Variants in GALNT10 observed in about 807,000 individuals in gnomAD.
GALNT10 encodes polypeptide N-acetylgalactosaminyltransferase 10.
Under a neutral mutation model 75.0 loss-of-function variants are expected in GALNT10, and 41 were observed. That is an observed-to-expected ratio of 0.55 (90% CI 0.43 to 0.71). The LOEUF (loss-of-function observed/expected upper bound fraction) is 0.71, where lower values mean the gene tolerates loss of function less well. Among genes scored for constraint, GALNT10 ranks in the 30% least tolerant of loss-of-function variants. The pLI is 0.00. For missense variants in GALNT10, 727 were observed against 818.5 expected (o/e 0.89, Z 1.36); for synonymous variants, 302 against 313.0 (o/e 0.96, Z 0.37).
chr5:154,386,193 T>A, intron 6 of GALNT10, 120 bp from the exon 7 acceptor site: 1 of 709,536 alleles, frequency 1.4e-6, no homozygotes, highest in South Asian at 1.8e-5. Flanking sequence ...GGAAGACACT[T>A]GGACTGTGTT....
At chr5:154,203,652 A>G (rs995832248) in intron 1 of GALNT10, among the ~76,000 whole-genome samples, 19 of 152,210 alleles carry the variant, frequency 1.2e-4, no homozygotes, top group Non-Finnish European at 2.6e-4. Flanking sequence ...TAATTTGTAC[A>G]ACTGTGGTGG....
At chr5:154,273,169 A>G (rs1346244045) in intron 1 of GALNT10, among the ~76,000 whole-genome samples, 2 of 152,136 alleles carry the variant, frequency 1.3e-5, no homozygotes, top group Non-Finnish European at 2.9e-5. Context: ...TTCTGAGGTC[A>G]CAGATATAGA....
intron 1 of GALNT10, among the ~76,000 whole-genome samples, chr5:154,243,894 A>C (rs888392653): frequency 5.9e-5 from 9 of 152,212 alleles, no homozygotes; most frequent in African/African-American, 2.2e-4. Context: ...GTGGCTTAAT[A>C]AGGATTTACA....
intron 1 of GALNT10, among the ~76,000 whole-genome samples, chr5:154,211,832 G>A (rs573924518): frequency 1.3e-5 from 2 of 152,112 alleles, no homozygotes; most frequent in Non-Finnish European, 2.9e-5. Flanking sequence ...CTGAAGCATG[G>A]CAGCTCACTT....
intron 1 of GALNT10, among the ~76,000 whole-genome samples, chr5:154,195,180 G>T (rs762932793): frequency 1.1e-4 from 16 of 152,204 alleles, no homozygotes; most frequent in Admixed American, 4.6e-4. Flanking sequence ...ACACAGAGAT[G>T]GCATCAGGAT....
intron 1 of GALNT10, among the ~76,000 whole-genome samples, chr5:154,204,916 A>C (rs139258879): frequency 2.6e-5 from 4 of 152,302 alleles, no homozygotes; most frequent in South Asian, 4.1e-4. Context: ...TGTCTTATTT[A>C]CTGCTGTACC....
chr5:154,367,949 T>G (rs936748269), intron 4 of GALNT10, among the ~76,000 whole-genome samples: 10 of 152,154 alleles, frequency 6.6e-5, no homozygotes, highest in African/African-American at 9.7e-5. Context: ...CATGGGATTC[T>G]GGTTTTGATC....
intron 3 of GALNT10, among the ~76,000 whole-genome samples, chr5:154,305,908 C>T (rs1342498350): frequency 1.3e-5 from 2 of 152,152 alleles, no homozygotes; most frequent in African/African-American, 4.8e-5. Context: ...ATCCCAACTA[C>T]TCAGGAAGGT....
chr5:154,310,441 GT>G (rs34086082), intron 3 of GALNT10, among the ~76,000 whole-genome samples: 2,118 of 149,646 alleles, frequency 0.014, 46 homozygotes, highest in African/African-American at 0.048. Flanking sequence ...GGTTTTTTTT[GT>G]TTTTTTTTTT....
At chr5:154,364,037 G>A (rs564626586) in intron 4 of GALNT10, among the ~76,000 whole-genome samples, 20 of 152,292 alleles carry the variant, frequency 1.3e-4, no homozygotes, top group Admixed American at 1.1e-3. Flanking sequence ...CAAGCAGATC[G>A]ACACAAGTCC....
At chr5:154,340,061 ATTTGCCATT>A (rs1297049606) in intron 4 of GALNT10, among the ~76,000 whole-genome samples, 1 of 152,192 alleles carries the variant, frequency 6.6e-6, no homozygotes, top group African/African-American at 2.4e-5. Flanking sequence ...AAATTGTGGT[ATTTGCCATT>A]ACCTTTCATA....
At chr5:154,234,866 C>T (rs1753220832) in intron 1 of GALNT10, among the ~76,000 whole-genome samples, 1 of 152,172 alleles carries the variant, frequency 6.6e-6, no homozygotes, top group East Asian at 1.9e-4. Flanking sequence ...GACTGGACAA[C>T]ACTTGAGCAG....
intron 3 of GALNT10, among the ~76,000 whole-genome samples, chr5:154,301,833 G>A (rs1379188919): frequency 2.0e-5 from 3 of 152,168 alleles, no homozygotes; most frequent in Non-Finnish European, 4.4e-5. Context: ...GCATCAATAA[G>A]CTGTGGAACT....
Position 154,415,946 on chromosome 5 carries a change from CG to C in GALNT10, c.1653+20del. The C allele has an allele frequency of 6.2e-7, 1 of 1,611,688 alleles. No individual in the cohort carries two copies. Among genetic ancestry groups the C allele is most frequent in the Non-Finnish European group, 8.5e-7 (1 of 1,178,368 alleles). ...AAATACCGCAAAGTAAGATGGGATG[CG>C]GGGGGAGCAGGGCACCTGCTTAATT... On this transcript the variant is annotated intron_variant, in intron 11 of 11. Coordinates refer to ENST00000297107, the MANE Select transcript of GALNT10 (RefSeq NM_198321.4).
At position 154,301,749 on chromosome 5, in the gene GALNT10, G is replaced by GT. The variant is rs1561655003; in HGVS notation, c.401+3671dup. On this transcript the variant is annotated intron_variant, in intron 3 of 11. Transcript: ENST00000297107. ...TCTAATTGGTTTTCTTTAAAATCTG[G>GT]TACATTTTATGTATTATGAGCATTG... Among the ~76,000 whole-genome samples the GT allele has an allele frequency of 1.9e-4, 29 of 152,170 alleles. No homozygotes were observed. In the East Asian group the frequency reaches 5.2e-3, roughly 27 times the overall value.
Position 154,251,280 on chromosome 5 carries a change from G to A in GALNT10, c.160-43536G>A, listed in dbSNP as rs560220436. ...CATTTTAAAAATGGACTTATCACCC[G>A]AATGTGTACCCATATTAGTTTAGCC... On this transcript the variant is annotated intron_variant, in intron 1 of 11. Transcript: ENST00000297107. 4.6e-5 allele frequency among the ~76,000 whole-genome samples: 7 copies of A among 152,016 alleles called. No homozygotes were observed. In the South Asian group the frequency reaches 1.0e-3, roughly 23 times the overall value.
At chr5:154,350,902 G>A (rs1470834077) in intron 4 of GALNT10, among the ~76,000 whole-genome samples, 2 of 152,218 alleles carry the variant, frequency 1.3e-5, no homozygotes, top group African/African-American at 2.4e-5. Context: ...ATCACCAGGA[G>A]GGCTCGTTAA....
In GALNT10 at chr5:154,336,739, C is replaced by T. The variant is rs185795560; in HGVS notation, c.568+7001C>T. 2.0e-5 allele frequency among the ~76,000 whole-genome samples: 3 copies of T among 152,212 alleles called. 1 individual carries two copies. The highest frequency in any genetic ancestry group is 2.0e-4 in the Admixed American group (3 of 15,276). ...TGTTTGCAGTCTGGTATGTATCATC[C>T]CAGACCATTCTGTATAATCATACTA... On this transcript the variant is annotated intron_variant, in intron 4 of 11. Transcript: ENST00000297107.
chr5:154,374,285 G>A (rs1755623156), intron 4 of GALNT10, among the ~76,000 whole-genome samples: 1 of 152,156 alleles, frequency 6.6e-6, no homozygotes, highest in African/African-American at 2.4e-5. Context: ...GAAAAGACCT[G>A]GAGCATTTTT....
Sources: allele counts gnomAD v4.1 joint callset (sites outside exome capture counted in the v4.1 genomes callset), GRCh38; gene constraint gnomAD v4.1.1; transcripts MANE v1.5; gene names NCBI Gene and HGNC (gene_info 2026-07-23, HGNC 2026-07-21).